FGF13: variants seen among roughly 807,000 people sequenced by gnomAD.
FGF13 encodes fibroblast growth factor homologous factor 2.
A neutral mutation model predicts 19.5 loss-of-function variants in FGF13; 2 were observed. The ratio of observed to expected loss-of-function variants is 0.10; its 90% CI spans 0.04 to 0.32. The LOEUF is 0.32. FGF13 is among the 10% of genes least tolerant of loss of function. The pLI is 1.00. For synonymous variants in FGF13, 72 were observed against 76.9 expected, an observed-to-expected ratio of 0.94 and a Z score of 0.33; for missense variants, 113 against 192.7, an observed-to-expected ratio of 0.59 and a Z score of 2.45.
intron 1 of FGF13, among the ~76,000 whole-genome samples, chrX:138,962,253 A>G (rs1278152765): frequency 8.9e-6 from 1 of 112,441 alleles, no homozygotes; most frequent in Admixed American, 9.4e-5. Context: ...AATGCTCATC[A>G]TCACTGGTCC....
At chrX:138,984,498 AAGG>A (rs1304825405) in intron 1 of FGF13, among the ~76,000 whole-genome samples, 2,284 of 78,583 alleles carry the variant, frequency 0.029, 460 homozygotes, top group African/African-American at 0.056. Context: ...GGAGAAGGAG[AAGG>A]AGAAGAAGAG....
chrX:138,663,365 T>C (rs1227629745), intron 3 of FGF13, among the ~76,000 whole-genome samples: 4 of 111,630 alleles, frequency 3.6e-5, no homozygotes, highest in African/African-American at 1.3e-4. Context: ...AATCTTGTGT[T>C]AAATTGCTCA....
intron 3 of FGF13, among the ~76,000 whole-genome samples, chrX:138,766,902 A>G (rs1010622956): frequency 8.9e-6 from 1 of 112,200 alleles, no homozygotes; most frequent in Non-Finnish European, 1.9e-5. Context: ...CAATTATCTC[A>G]GCACCATTTA....
intron 1 of FGF13, among the ~76,000 whole-genome samples, chrX:139,112,971 AGTGTGTGTGTGTGTGTGTGTGTGT>A (rs748975156): frequency 1.1e-5 from 1 of 87,756 alleles, no homozygotes; most frequent in Non-Finnish European, 2.3e-5. Flanking sequence ...TTGATTATGT[AGTGTGTGTGTGTGTGTGTGTGTGT>A]GTGTGTGTGT....
intron 1 of FGF13, among the ~76,000 whole-genome samples, chrX:139,117,213 T>C (rs184495540): frequency 3.6e-5 from 4 of 111,357 alleles, no homozygotes; most frequent in African/African-American, 1.3e-4. Context: ...TTTTTATTTG[T>C]CACAACTGGA....
intron 1 of FGF13, among the ~76,000 whole-genome samples, chrX:139,067,564 T>C (rs946133688): frequency 8.9e-6 from 1 of 111,744 alleles, no homozygotes; most frequent in African/African-American, 3.3e-5. Context: ...TACTTAGTAA[T>C]ACAACTTACA....
intron 3 of FGF13, among the ~76,000 whole-genome samples, chrX:138,835,886 G>T (rs1345647991): frequency 1.8e-5 from 2 of 111,139 alleles, no homozygotes; most frequent in African/African-American, 6.6e-5. Flanking sequence ...GTCTGGAAAG[G>T]ATCTTATTTC....
chrX:138,935,379 A>G (rs993146546), intron 1 of FGF13, among the ~76,000 whole-genome samples: 1 of 111,877 alleles, frequency 8.9e-6, no homozygotes, highest in Admixed American at 9.4e-5. Context: ...GCACCATCCT[A>G]TTTTGCCCAC....
Position 138,941,565 on chromosome X carries a change from G to A in FGF13, c.-112-76915C>T, listed in dbSNP as rs780532847. 2.7e-5 allele frequency among the ~76,000 whole-genome samples: 3 copies of A among 111,806 alleles called. No homozygotes were observed. The South Asian group carries it at 1.1e-3, about 42-fold the overall frequency. ...GAAATCAGAGATGACACAAACAAAT[G>A]GAAAACATTCCATGCTCATGGATAG... On this transcript the variant is annotated intron_variant, in intron 1 of 2. Coordinates refer to the FGF13 transcript ENST00000421460.
intron 3 of FGF13, among the ~76,000 whole-genome samples, chrX:138,779,268 C>G (rs2090617637): frequency 9.0e-6 from 1 of 111,548 alleles, no homozygotes; most frequent in South Asian, 3.8e-4. Flanking sequence ...CTCTCCTCCT[C>G]CAAAGGAACC....
chrX:139,167,468 A>T (rs2084096071), intron 1 of FGF13, among the ~76,000 whole-genome samples: 1 of 111,952 alleles, frequency 8.9e-6, no homozygotes, highest in Admixed American at 9.5e-5. Context: ...TATTCCTGAA[A>T]TCTGAGATAT....
intron 1 of FGF13, among the ~76,000 whole-genome samples, chrX:139,030,696 C>T (rs189794166): frequency 9.0e-6 from 1 of 111,695 alleles, no homozygotes; most frequent in East Asian, 2.9e-4. Flanking sequence ...TCCATGTGGC[C>T]TCTTCCTATT....
At chrX:138,885,632 C>T (rs2091447746) in intron 1 of FGF13, among the ~76,000 whole-genome samples, 1 of 107,183 alleles carries the variant, frequency 9.3e-6, no homozygotes, top group South Asian at 4.3e-4. Flanking sequence ...CATGTATCTG[C>T]GTTACATCCT....
At position 138,945,783 on chromosome X, in the gene FGF13, C is replaced by T. The variant is rs1199818952; in HGVS notation, c.-112-81133G>A. Among the ~76,000 whole-genome samples the T allele has an allele frequency of 3.6e-5, 4 of 111,467 alleles. No individual in the cohort carries two copies. In the Admixed American group the frequency reaches 3.8e-4, roughly 11 times the overall value. On this transcript the variant is annotated intron_variant, in intron 1 of 2. Coordinates refer to the FGF13 transcript ENST00000421460. ...TGCACTTACAGTGACTGTAGGTTAC[C>T]CTCAGAGAAGCTTGTCTTATACCAC...
chrX:139,070,461 T>G (rs1433526102), intron 1 of FGF13, among the ~76,000 whole-genome samples: 1 of 112,090 alleles, frequency 8.9e-6, no homozygotes, highest in Non-Finnish European at 1.9e-5. Flanking sequence ...TGGCGATCAT[T>G]AAAAATTCAG....
chrX:139,055,918 G>A (rs1478627733), intron 1 of FGF13, among the ~76,000 whole-genome samples: 2 of 112,503 alleles, frequency 1.8e-5, no homozygotes, highest in Non-Finnish European at 3.8e-5. Flanking sequence ...GTTCAGATAT[G>A]TTATACCAAG....
At chrX:138,954,866 C>T (rs372962605) in intron 1 of FGF13, among the ~76,000 whole-genome samples, 3 of 112,114 alleles carry the variant, frequency 2.7e-5, no homozygotes, top group South Asian at 3.7e-4. Context: ...CTTATTTTCT[C>T]TGTGTGAAAA....
chrX:138,694,203 G>C (rs1466041420), intron 3 of FGF13, among the ~76,000 whole-genome samples: 2 of 111,013 alleles, frequency 1.8e-5, no homozygotes, highest in African/African-American at 3.3e-5. Flanking sequence ...CCCTGCATTT[G>C]ACAGGTAAAC....
chrX:138,840,480 G>A (rs759373472), intron 3 of FGF13, among the ~76,000 whole-genome samples: 8 of 111,777 alleles, frequency 7.2e-5, no homozygotes, highest in Admixed American at 4.8e-4. Flanking sequence ...ACAACAGGTC[G>A]CCCTGCCACT....
Sources: gnomAD v4.1 joint callset for allele counts (sites outside exome capture counted in the v4.1 genomes callset) on GRCh38, gnomAD v4.1.1 for gene constraint, MANE v1.5 for transcripts, NCBI Gene and HGNC (gene_info 2026-07-23, HGNC 2026-07-21) for gene names.